The following DDX10 variants were observed in gnomAD, a reference collection of about 807,000 sequenced individuals.
The protein encoded by DDX10 is DEAD-box helicase 10, also known as probable ATP-dependent RNA helicase DDX10.
DDX10 carries 74 observed loss-of-function variants against 104.3 expected under a neutral mutation model. The ratio of observed to expected loss-of-function variants is 0.71; its 90% CI spans 0.59 to 0.86. The LOEUF is 0.86. DDX10 is among the 40% of genes least tolerant of loss of function. DDX10 has a pLI of 0.00. For synonymous variants in DDX10, 351 were observed against 353.4 expected (o/e 0.99, Z 0.08); for missense variants, 952 against 1,040.0 (o/e 0.92, Z 1.16).
intron 13 of DDX10, among the ~76,000 whole-genome samples, chr11:108,751,614 G>A (rs1409278134): frequency 6.6e-6 from 1 of 152,206 alleles, no homozygotes; most frequent in Non-Finnish European, 1.5e-5. Context: ...GCCGAAGGGG[G>A]CCTATGACAA....
intron 16 of DDX10, among the ~76,000 whole-genome samples, chr11:108,887,869 G>A (rs1488980633): frequency 6.6e-6 from 1 of 151,758 alleles, no homozygotes. Context: ...GCGGTGAGCC[G>A]CGATCACACC....
intron 13 of DDX10, among the ~76,000 whole-genome samples, chr11:108,741,236 G>GATC (rs146581566): frequency 0.12 from 18,632 of 152,042 alleles, 1,518 homozygotes; most frequent in East Asian, 0.27. Flanking sequence ...GTTGGGTGAT[G>GATC]TGATGCCTCC....
intron 15 of DDX10, among the ~76,000 whole-genome samples, chr11:108,851,638 T>C (rs145698369): frequency 0.016 from 2,371 of 152,284 alleles, 59 homozygotes; most frequent in African/African-American, 0.054. Context: ...GTTTAACCCC[T>C]GAATGTTAAC....
In DDX10 at chr11:108,837,607, C is replaced by CTTTTTTTTTTTTTTTTTTTTTTTTT. The variant is rs142381520; in HGVS notation, c.1966-828_1966-804dup. Among the ~76,000 whole-genome samples the CTTTTTTTTTTTTTTTTTTTTTTTTT allele has an allele frequency of 2.3e-4, 8 of 34,748 alleles. 2 individuals are homozygous for CTTTTTTTTTTTTTTTTTTTTTTTTT. The highest frequency in any genetic ancestry group is 2.3e-3 in the East Asian group (2 of 884). The allele number at this position is 34,748 out of a possible 152,430, so 22.8% of individuals were successfully genotyped here. Reference sequence around the variant, plus strand: ...TTCTGCATCTCACCTTTGGATACAGCTTTTTTTTTTTTTTTTTTTTTTTTT... The same window carrying CTTTTTTTTTTTTTTTTTTTTTTTTT: ...TTCTGCATCTCACCTTTGGATACAGCTTTTTTTTTTTTTTTTTTTTTTTTTTTTTTTTTTTTTTTTTTTTTTTTTT... On this transcript the variant is annotated intron_variant, in intron 13 of 17. Coordinates refer to ENST00000322536, the MANE Select transcript of DDX10 (RefSeq NM_004398.4).
chr11:108,731,911 A>G (rs1399697514), intron 13 of DDX10, among the ~76,000 whole-genome samples: 1 of 152,234 alleles, frequency 6.6e-6, no homozygotes, highest in Non-Finnish European at 1.5e-5. Flanking sequence ...GCACTTTTCC[A>G]GACACTGCTG....
rs554266580 is a variant in DDX10 at position 108,674,823 on chromosome 11, T to C, written c.248-773T>C. On this transcript the variant is annotated intron_variant, in intron 2 of 17. Transcript: ENST00000322536. ...GCCACCACGCCTGGCCTACAATAGATCTCTTGAAGTTCTTCCTTCTAACTG... is the reference window on the plus strand; with the variant it reads ...GCCACCACGCCTGGCCTACAATAGACCTCTTGAAGTTCTTCCTTCTAACTG... Among the ~76,000 whole-genome samples, 3 of 152,272 alleles carry C rather than the reference T, an allele frequency of 2.0e-5. No individual in the cohort carries two copies. In the South Asian group the frequency reaches 6.2e-4, roughly 32 times the overall value.
At chr11:108,668,104 T>G (rs1205306059) in intron 1 of DDX10, among the ~76,000 whole-genome samples, 1 of 152,254 alleles carries the variant, frequency 6.6e-6, no homozygotes, top group Non-Finnish European at 1.5e-5. Flanking sequence ...ATTGGATTAT[T>G]CTTTTTTGTT....
intron 13 of DDX10, among the ~76,000 whole-genome samples, chr11:108,726,820 A>G (rs73007427): frequency 0.12 from 18,661 of 151,986 alleles, 1,557 homozygotes; most frequent in East Asian, 0.27. Context: ...GTTAGCTGTA[A>G]GTTTTTTTTG....
intron 16 of DDX10, among the ~76,000 whole-genome samples, chr11:108,911,608 C>G: frequency 1.5e-5 from 2 of 129,778 alleles, no homozygotes; most frequent in Non-Finnish European, 1.6e-5. Flanking sequence ...CTAGCTCTAT[C>G]ACCCACTGGC....
chr11:108,894,715 G>T (rs1863418193), intron 16 of DDX10, among the ~76,000 whole-genome samples: 2 of 151,908 alleles, frequency 1.3e-5, no homozygotes, highest in Non-Finnish European at 2.9e-5. Context: ...ACTCTTTTGT[G>T]TTCTTTTGTA....
intron 16 of DDX10, among the ~76,000 whole-genome samples, chr11:108,871,907 C>A (rs960028566): frequency 6.9e-6 from 1 of 144,176 alleles, no homozygotes; most frequent in African/African-American, 2.6e-5. Context: ...CAGCCTGGGC[C>A]ACAAGAGCGA....
At chr11:108,901,039 C>CTTT (rs1863511031) in intron 16 of DDX10, among the ~76,000 whole-genome samples, 2 of 152,088 alleles carry the variant, frequency 1.3e-5, no homozygotes, top group Non-Finnish European at 2.9e-5. Context: ...TATCTGCCAC[C>CTTT]ACCACCACCT....
At chr11:108,783,191 G>T (rs1861732579) in intron 13 of DDX10, among the ~76,000 whole-genome samples, 2 of 152,062 alleles carry the variant, frequency 1.3e-5, no homozygotes. Flanking sequence ...GCTTTTTAAA[G>T]ATATGAGACT....
chr11:108,866,070 T>C (rs1305647649), intron 16 of DDX10, among the ~76,000 whole-genome samples: 1 of 152,188 alleles, frequency 6.6e-6, no homozygotes, highest in African/African-American at 2.4e-5. Context: ...GTTATTCCCA[T>C]TTAACAGAAG....
At chr11:108,814,076 G>C (rs748022034) in intron 13 of DDX10, among the ~76,000 whole-genome samples, 26 of 152,004 alleles carry the variant, frequency 1.7e-4, no homozygotes, top group Admixed American at 4.6e-4. Context: ...TTTTATTCTG[G>C]AATTTTTTTG....
At chr11:108,907,849 T>C (rs1863617678) in intron 16 of DDX10, among the ~76,000 whole-genome samples, 2 of 152,188 alleles carry the variant, frequency 1.3e-5, no homozygotes, top group African/African-American at 4.8e-5. Flanking sequence ...AAATCACCAT[T>C]ATAGAATAAA....
intron 13 of DDX10, among the ~76,000 whole-genome samples, chr11:108,774,409 G>A (rs922226454): frequency 8.5e-5 from 13 of 152,172 alleles, no homozygotes; most frequent in African/African-American, 3.1e-4. Flanking sequence ...GTCCTTGGAG[G>A]CTTATGCTTA....
intron 13 of DDX10, among the ~76,000 whole-genome samples, chr11:108,826,083 G>C (rs1183917225): frequency 6.6e-6 from 1 of 152,214 alleles, no homozygotes; most frequent in Non-Finnish European, 1.5e-5. Flanking sequence ...CTTATAGTTT[G>C]AAATAGTACA....
intron 16 of DDX10, among the ~76,000 whole-genome samples, chr11:108,905,312 A>AGGGCG (rs1863579147): frequency 1.9e-5 from 2 of 106,692 alleles, no homozygotes; most frequent in South Asian, 6.9e-4. Context: ...AGATTGTTTA[A>AGGGCG]GGGGGGGGGG....
Sources: allele counts gnomAD v4.1 joint callset (sites outside exome capture counted in the v4.1 genomes callset), GRCh38; gene constraint gnomAD v4.1.1; transcripts MANE v1.5; gene names NCBI Gene and HGNC (gene_info 2026-07-23, HGNC 2026-07-21).